The following MARCHF9 variants were observed in gnomAD, a reference collection of about 807,000 sequenced individuals.
MARCHF9 encodes membrane associated ring-CH-type finger 9.
MARCHF9 carries 17 observed loss-of-function variants against 35.2 expected under a neutral mutation model. The observed-to-expected ratio is 0.48, with a 90% CI of 0.33 to 0.72. The LOEUF (loss-of-function observed/expected upper bound fraction) is 0.72. Among genes scored for constraint, MARCHF9 ranks in the 30% least tolerant of loss-of-function variants. The pLI is 0.02. For missense variants in MARCHF9, 386 were observed against 478.2 expected (o/e 0.81, Z 1.80); for synonymous variants, 183 against 207.4 (o/e 0.88, Z 1.01).
At position 57,755,517 on chromosome 12, in the gene MARCHF9, G is replaced by A. The variant is rs1460317894; in HGVS notation, c.-12G>A. 2 of 470,974 alleles carry A rather than the reference G, an allele frequency of 4.2e-6. No individual in the cohort carries two copies. The highest frequency in any genetic ancestry group is 4.9e-4 in the East Asian group (2 of 4,060). The allele number at this position is 470,974 out of a possible 1,614,324, so 29.2% of individuals were successfully genotyped here. ...CCCTTGCACGCTGCCCCCCGCCCCC[G>A]GTGTCCGGACGATGCTCAAGTCTCG... On this transcript the variant is annotated 5_prime_UTR_variant, in exon 1 of 4. Coordinates refer to ENST00000266643, the MANE Select transcript of MARCHF9 (RefSeq NM_138396.6).
chr12:57,756,944 C>T lies in MARCHF9; in HGVS notation c.373C>T (p.Pro125Ser). The change falls in exon 2 of 4, where the codon CCC becomes TCC. Residue 125 changes from proline to serine, a missense_variant. Around this residue, in one of 3 missense-constraint regions of MARCHF9, gnomAD observed 219 missense variants for 316.2 expected, o/e 0.69. Transcript: ENST00000266643. ...CTTCCTCCAGGGGGAGCTCTTAAGC[C>T]CCTGCCGCTGCGACGGCTCAGTGCG... ...QGPEQGELLS[P>S]CRCDGSVRCT... 1 of 1,570,558 alleles carries T rather than the reference C, an allele frequency of 6.4e-7. No individual in the cohort carries two copies.
intron 2 of MARCHF9, 121 bp downstream of exon 2, chr12:57,757,205 AC>A: frequency 9.7e-7 from 1 of 1,029,772 alleles, no homozygotes. Flanking sequence ...CCCGCCAGTT[AC>A]CACAGTCTCC....
chr12:57,758,877 A>G lies in MARCHF9; in HGVS notation c.1021A>G (p.Met341Val). 2.5e-6 allele frequency: 4 copies of G among 1,602,224 alleles called. No homozygotes were observed. Among genetic ancestry groups the G allele is most frequent in the African/African-American group, 2.7e-5 (2 of 74,886 alleles). The change falls in exon 4 of 4, where the codon ATG (methionine) becomes GTG (valine). Residue 341 changes from methionine to valine, a missense_variant. By Grantham distance (21) the Met-to-Val change is conservative. Around this residue, in one of 3 missense-constraint regions of MARCHF9, gnomAD observed 111 missense variants for 112.4 expected, o/e 0.99. Coordinates refer to ENST00000266643, the MANE Select transcript of MARCHF9 (RefSeq NM_138396.6). This position sits in a 1 kb window ranked among gnomAD's most constrained non-coding sequence, Gnocchi z 5.4. ...SSSHSGREVV[M>V]RVTTV ...CTCCCATTCTGGCCGAGAGGTTGTC[A>G]TGAGGGTCACTACAGTCTGAACTGG...
In MARCHF9 at chr12:57,758,576, T is replaced by C. The variant is rs779581193; in HGVS notation, c.720T>C (p.His240=). The part of the protein sequence containing the change: ...MDVVCIGLII[H]EGSSVYRIFK... ...CCTATTGCTCAGGCCTCATCATCCATGAAGGCTCCTCTGTCTACCGCATCT... is the reference window on the plus strand; with the variant it reads ...CCTATTGCTCAGGCCTCATCATCCACGAAGGCTCCTCTGTCTACCGCATCT... The change falls in exon 4 of 4, where the codon CAT becomes CAC. Residue 240 remains histidine, a synonymous_variant. Transcript: ENST00000266643. This position sits in a 1 kb window ranked among gnomAD's most constrained non-coding sequence, Gnocchi z 5.4. 2 of 1,608,994 alleles carry C rather than the reference T, an allele frequency of 1.2e-6. No homozygotes were observed. Among genetic ancestry groups the C allele is most frequent in the East Asian group, 2.2e-5 (1 of 44,736 alleles).
In MARCHF9 at chr12:57,758,046, C is replaced by T; in HGVS notation, c.514-62C>T. 1.9e-6 allele frequency: 3 copies of T among 1,589,536 alleles called. No individual in the cohort carries two copies. Among genetic ancestry groups the T allele is most frequent in the Non-Finnish European group, 2.6e-6 (3 of 1,158,358 alleles). On this transcript the variant is annotated intron_variant, in intron 2 of 3. Coordinates refer to ENST00000266643, the MANE Select transcript of MARCHF9 (RefSeq NM_138396.6). The surrounding 1 kb of genome is among the most constrained non-coding windows in gnomAD (Gnocchi z 5.4). ...TCCTGGAGCACCCTGCTCTTCAGGG[C>T]CACCCATCACCTGGCCCTCCATCCC...
chr12:57,759,022 T>A lies in MARCHF9; in HGVS notation c.*125T>A. The A allele has an allele frequency of 1.0e-6, 1 of 973,320 alleles. No homozygotes were observed. The highest frequency in any genetic ancestry group is 1.5e-6 in the Non-Finnish European group (1 of 679,606). 60.3% of individuals were successfully genotyped at this position (973,320 alleles called of 1,614,324 possible). A position where few individuals can be genotyped will look rare whatever the true frequency, so the allele number is the denominator to read the frequency against. On this transcript the variant is annotated 3_prime_UTR_variant, in exon 4 of 4. Transcript: ENST00000266643. ...CTGCCCCCGTCACCGAGGATCTGTG[T>A]GGGTAGCCTCAAGCTGGAGACATTG...
At position 57,758,678 on chromosome 12, in the gene MARCHF9, A is replaced by G. The variant is rs1280662608; in HGVS notation, c.822A>G (p.Ala274=). 4.3e-6 allele frequency: 7 copies of G among 1,613,538 alleles called. No homozygotes were observed. The highest frequency in any genetic ancestry group is 5.9e-6 in the Non-Finnish European group (7 of 1,179,760). Residue 274 remains alanine (A), a synonymous_variant, in exon 4 of 4, where the codon GCA becomes GCG. Coordinates refer to ENST00000266643, the MANE Select transcript of MARCHF9 (RefSeq NM_138396.6). The surrounding 1 kb of genome is among the most constrained non-coding windows in gnomAD (Gnocchi z 5.4). ...YDKTKDIGGD[A]GGGTAGKSGP... The stretch of plus-strand genomic sequence containing the variant: ...AGACCAAGGACATAGGAGGAGATGC[A>G]GGGGGAGGGACGGCAGGGAAGTCAG...
At chr12:57,757,193 TC>T (rs1246562737) in intron 2 of MARCHF9, 109 bp downstream of exon 2, 6 of 1,176,032 alleles carry the variant, frequency 5.1e-6, no homozygotes, top group Non-Finnish European at 6.7e-6. Context: ...AAGCCACCCT[TC>T]CCCGCCAGTT....
In MARCHF9 at chr12:57,757,990, G is replaced by A; in HGVS notation, c.514-118G>A. On this transcript the variant is annotated intron_variant, in intron 2 of 3. Transcript: ENST00000266643. ...TAATCAAGGCACAGAGAAGACAGAT[G>A]TTGATCCTGCCTGAAGGTTTTAGGG... 5 of 991,526 alleles carry A rather than the reference G, an allele frequency of 5.0e-6. 1 individual carries two copies. In the South Asian group the frequency reaches 6.5e-5, roughly 13 times the overall value. The allele number at this position is 991,526 out of a possible 1,614,324, so 61.4% of individuals were successfully genotyped here. A position where few individuals can be genotyped will look rare whatever the true frequency, so the allele number is the denominator to read the frequency against.
At position 57,755,717 on chromosome 12, in the gene MARCHF9, G is replaced by A; in HGVS notation, c.189G>A (p.Pro63=). 4 of 1,228,644 alleles carry A rather than the reference G, an allele frequency of 3.3e-6. No individual in the cohort carries two copies. Among genetic ancestry groups the A allele is most frequent in the Non-Finnish European group, 3.0e-6 (3 of 987,246 alleles). The allele number at this position is 1,228,644 out of a possible 1,614,324, so 76.1% of individuals were successfully genotyped here. A position where few individuals can be genotyped will look rare whatever the true frequency, so the allele number is the denominator to read the frequency against. Residue 63 remains proline, a synonymous_variant, in exon 1 of 4, where the codon CCG becomes CCA. Transcript: ENST00000266643. ...AGGAGGAGTACTACGGGTCGGAGCC[G>A]CGGGCCCGGGGCCTGGCCGGCGACA... ...GDEEEYYGSE[P]RARGLAGDKE...
Position 57,755,551 on chromosome 12 carries a change from T to G in MARCHF9, c.23T>G (p.Met8Arg). Residue 8 changes from methionine to arginine, a missense_variant, in exon 1 of 4, where the codon ATG (methionine) becomes AGG (arginine). Transcript: ENST00000266643. ...ACGATGCTCAAGTCTCGGCTCCGCA[T>G]GTTTCTGAACGAGCTGAAGCTGCTG... is the stretch of plus-strand genomic sequence containing the variant. Reference protein sequence around the residue: MLKSRLRMFLNELKLLVL... With the variant: MLKSRLRRFLNELKLLVL... 8.0e-7 allele frequency: 1 copy of G among 1,245,148 alleles called. No individual in the cohort carries two copies. Among genetic ancestry groups the G allele is most frequent in the Non-Finnish European group, 1.0e-6 (1 of 977,750 alleles). The allele number at this position is 1,245,148 out of a possible 1,614,324, so 77.1% of individuals were successfully genotyped here. A position where few individuals can be genotyped will look rare whatever the true frequency, so the allele number is the denominator to read the frequency against.
In MARCHF9 at chr12:57,755,603, G is replaced by C. The variant is rs1955280286; in HGVS notation, c.75G>C (p.Arg25=). The part of the protein sequence containing the change: ...LLVLTGGGRP[R]AEPQPRGGRG... ...TGCTGACAGGCGGGGGGCGGCCCCGGGCCGAGCCGCAACCCCGGGGGGGCC... is the reference window on the plus strand; with the variant it reads ...TGCTGACAGGCGGGGGGCGGCCCCGCGCCGAGCCGCAACCCCGGGGGGGCC... Residue 25 remains arginine, a synonymous_variant, in exon 1 of 4, where the codon CGG becomes CGC. Transcript: ENST00000266643. 2 of 1,359,440 alleles carry C rather than the reference G, an allele frequency of 1.5e-6. No homozygotes were observed. Among genetic ancestry groups the C allele is most frequent in the Non-Finnish European group, 1.9e-6 (2 of 1,057,112 alleles). 84.2% of individuals were successfully genotyped at this position (1,359,440 alleles called of 1,614,324 possible). A position where few individuals can be genotyped will look rare whatever the true frequency, so the allele number is the denominator to read the frequency against.
At position 57,758,588 on chromosome 12, in the gene MARCHF9, T is replaced by C; in HGVS notation, c.732T>C (p.Ser244=). 1.2e-6 allele frequency: 2 copies of C among 1,611,832 alleles called. No individual in the cohort carries two copies. Among genetic ancestry groups the C allele is most frequent in the South Asian group, 1.1e-5 (1 of 90,928 alleles). The change falls in exon 4 of 4, where the codon TCT becomes TCC. Residue 244 remains serine (S), a synonymous_variant. Coordinates refer to ENST00000266643, the MANE Select transcript of MARCHF9 (RefSeq NM_138396.6). This position sits in a 1 kb window ranked among gnomAD's most constrained non-coding sequence, Gnocchi z 5.4. ...GCCTCATCATCCATGAAGGCTCCTC[T>C]GTCTACCGCATCTTCAAGCGCTGGC... ...CIGLIIHEGS[S]VYRIFKRWQA...
chr12:57,757,900 A>G, intron 2 of MARCHF9: 2 of 660,362 alleles, frequency 3.0e-6, no homozygotes, highest in Non-Finnish European at 5.5e-6. Flanking sequence ...GTTTCAGAGC[A>G]CTTGCCCAAT....
chr12:57,757,084 G>A lies in MARCHF9; in HGVS notation c.513G>A (p.Gln171=). 6.5e-7 allele frequency: 1 copy of A among 1,548,118 alleles called. No individual in the cohort carries two copies. Among genetic ancestry groups the A allele is most frequent in the Non-Finnish European group, 8.7e-7 (1 of 1,145,346 alleles). Reference sequence around the variant, plus strand: ...CGATCAGCACCAAGAACCCACTGCAGGTGAGGTGCAAGGAGAGGACTCGGA... The same window carrying A: ...CGATCAGCACCAAGAACCCACTGCAAGTGAGGTGCAAGGAGAGGACTCGGA... ...VLAISTKNPL[Q]WQAISLTVIE... The change falls in exon 2 of 4, where the codon CAG becomes CAA. Residue 171 remains glutamine, a splice_region_variant and synonymous_variant. Coordinates refer to ENST00000266643, the MANE Select transcript of MARCHF9 (RefSeq NM_138396.6).
Position 57,758,762 on chromosome 12 carries a change from C to T in MARCHF9, c.906C>T (p.Ala302=). Residue 302 remains alanine, a synonymous_variant, in exon 4 of 4, where the codon GCC becomes GCT. Transcript: ENST00000266643. This position sits in a 1 kb window ranked among gnomAD's most constrained non-coding sequence, Gnocchi z 5.4. The part of the protein sequence containing the change: ...TSGATSRPPA[A]QRMRTLLPQR... Reference sequence around the variant, plus strand: ...GGGCCACGAGCCGCCCCCCAGCTGCCCAGCGCATGCGGACGCTCTTGCCTC... The same window carrying T: ...GGGCCACGAGCCGCCCCCCAGCTGCTCAGCGCATGCGGACGCTCTTGCCTC... 2 of 1,612,442 alleles carry T rather than the reference C, an allele frequency of 1.2e-6. No individual in the cohort carries two copies. The highest frequency in any genetic ancestry group is 1.7e-6 in the Non-Finnish European group (2 of 1,179,412).
At chr12:57,757,195 C>T in intron 2 of MARCHF9, 111 bp downstream of exon 2, 2 of 1,166,470 alleles carry the variant, frequency 1.7e-6, no homozygotes, top group Non-Finnish European at 2.2e-6. Flanking sequence ...GCCACCCTTC[C>T]CCGCCAGTTA....
rs199943129 is a variant in MARCHF9, at chr12:57,758,767, G to A, written c.911G>A (p.Arg304His). The change falls in exon 4 of 4, where the codon CGC becomes CAC. Residue 304 changes from arginine to histidine, a missense_variant. Arg to His is a conservative substitution (Grantham distance 29). Transcript: ENST00000266643. This position sits in a 1 kb window ranked among gnomAD's most constrained non-coding sequence, Gnocchi z 5.4. ...ACGAGCCGCCCCCCAGCTGCCCAGCGCATGCGGACGCTCTTGCCTCAGCGC... is the reference window on the plus strand; with the variant it reads ...ACGAGCCGCCCCCCAGCTGCCCAGCACATGCGGACGCTCTTGCCTCAGCGC... ...GATSRPPAAQ[R>H]MRTLLPQRCG... The A allele has an allele frequency of 3.7e-6, 6 of 1,612,686 alleles. No homozygotes were observed. Among genetic ancestry groups the A allele is most frequent in the East Asian group, 2.2e-5 (1 of 44,846 alleles).
At chr12:57,757,752 C>A in intron 2 of MARCHF9, 2 of 584,464 alleles carry the variant, frequency 3.4e-6, no homozygotes, top group Non-Finnish European at 6.1e-6. Flanking sequence ...TTAATCTTCA[C>A]AATAATCTTA....
Sources: gnomAD v4.1 joint callset for allele counts on GRCh38, gnomAD v4.1.1 for gene constraint, gnomAD v4.1.1 regional missense constraint, Gnocchi (gnomAD v3.1) non-coding constraint, MANE v1.5 for transcripts, NCBI Gene and HGNC (gene_info 2026-07-23, HGNC 2026-07-21) for gene names.